ADCY1: variants seen among roughly 807,000 people sequenced by gnomAD.
The protein encoded by ADCY1 is adenylate cyclase 1.
A neutral mutation model predicts 105.4 loss-of-function variants in ADCY1; 28 were observed. That is an observed-to-expected ratio of 0.27 (90% confidence interval 0.20 to 0.36). The LOEUF (loss-of-function observed/expected upper bound fraction) is 0.36. ADCY1 is among the 10% of genes least tolerant of loss of function. The probability of loss-of-function intolerance (pLI) is 1.00; values close to 1 mark genes in which losing one functional copy is unlikely to be tolerated. For missense variants in ADCY1, 977 were observed against 1,434.2 expected (o/e 0.68, Z 5.15); for synonymous variants, 655 against 623.8 (o/e 1.05, Z -0.75).
chr7:45,679,209 C>T (rs189289846), intron 10 of ADCY1, among the ~76,000 whole-genome samples: 1 of 152,224 alleles, frequency 6.6e-6, no homozygotes, highest in Admixed American at 6.5e-5. Flanking sequence ...CCACCCCACA[C>T]CTGCGGAGGA....
chr7:45,584,157 C>T (rs931981171), intron 1 of ADCY1, among the ~76,000 whole-genome samples: 4 of 151,894 alleles, frequency 2.6e-5, no homozygotes, highest in African/African-American at 9.7e-5. Flanking sequence ...GTTTCCCAGG[C>T]TGGTCTTGAA....
At chr7:45,665,607 A>T (rs541406301) in intron 8 of ADCY1, among the ~76,000 whole-genome samples, 99 of 152,382 alleles carry the variant, frequency 6.5e-4, no homozygotes, top group African/African-American at 2.3e-3. Context: ...TACAAAAATT[A>T]AGTCTTCCAA....
At chr7:45,696,064 C>G (rs1784874711) in intron 14 of ADCY1, among the ~76,000 whole-genome samples, 1 of 152,236 alleles carries the variant, frequency 6.6e-6, no homozygotes, top group African/African-American at 2.4e-5. Flanking sequence ...AAACAGCAGA[C>G]CCACCGGACA....
chr7:45,665,959 T>TGTG (rs1342914316), intron 8 of ADCY1, among the ~76,000 whole-genome samples: 1 of 152,230 alleles, frequency 6.6e-6, no homozygotes, highest in East Asian at 1.9e-4. Flanking sequence ...GGTTAAATGG[T>TGTG]GTGTCTGTTT....
At chr7:45,577,635 G>A (rs1271050897) in intron 1 of ADCY1, among the ~76,000 whole-genome samples, 1 of 152,244 alleles carries the variant, frequency 6.6e-6, no homozygotes. Flanking sequence ...TGGGCAGGTA[G>A]TAGCCATGCT....
chr7:45,574,315 C>T (rs1792245152), upstream of ADCY1: 1 of 205,910 alleles, frequency 4.9e-6, no homozygotes, highest in Non-Finnish European at 8.4e-6. This position sits in a 1 kb window ranked among gnomAD's most constrained non-coding sequence, Gnocchi z 7.0. Flanking sequence ...CCGCCGAGGA[C>T]CACGGTCGGG....
In ADCY1 at chr7:45,714,443, G is replaced by A. The variant is rs911841184; in HGVS notation, c.*448G>A. The stretch of plus-strand genomic sequence containing the variant: ...CCTCTGAGACAGCCCTGTCCGCCCC[G>A]CCCAGGTGGGACCTGACATACAGGC... On this transcript the variant is annotated 3_prime_UTR_variant, in exon 20 of 20. Coordinates refer to ENST00000297323, the MANE Select transcript of ADCY1 (RefSeq NM_021116.4). 4.7e-5 allele frequency: 8 copies of A among 168,740 alleles called. No homozygotes were observed. The highest frequency in any genetic ancestry group is 1.7e-4 in the East Asian group (1 of 5,866). The allele number at this position is 168,740 out of a possible 1,614,324, so 10.5% of individuals were successfully genotyped here.
chr7:45,660,699 G>A lies in ADCY1; in HGVS notation c.1449+516G>A, dbSNP rs560333282. 8.1e-4 allele frequency among the ~76,000 whole-genome samples: 123 copies of A among 151,082 alleles called. 3 individuals carry two copies. The South Asian group carries it at 0.014, about 17-fold the overall frequency. On this transcript the variant is annotated intron_variant, in intron 7 of 19. Coordinates refer to ENST00000297323, the MANE Select transcript of ADCY1 (RefSeq NM_021116.4). ...GTGCAGGACTCAGGTGAGGGGTTCA[G>A]GCTCAAGTGAGGTGTTCAGGGGACA...
At chr7:45,640,292 CT>C in intron 4 of ADCY1, among the ~76,000 whole-genome samples, 1 of 152,186 alleles carries the variant, frequency 6.6e-6, no homozygotes, top group Non-Finnish European at 1.5e-5. Context: ...GCAGCTCCCG[CT>C]TAAGACAGAA....
chr7:45,654,306 C>G (rs1370959508), intron 5 of ADCY1, among the ~76,000 whole-genome samples: 1 of 152,228 alleles, frequency 6.6e-6, no homozygotes, highest in Non-Finnish European at 1.5e-5. Context: ...TCCACATGAC[C>G]ACCAAGTATG....
At chr7:45,655,256 C>T (rs533715209) in intron 5 of ADCY1, among the ~76,000 whole-genome samples, 1 of 152,360 alleles carries the variant, frequency 6.6e-6, no homozygotes, top group East Asian at 1.9e-4. Flanking sequence ...GTGGCCCCCT[C>T]TGCCAGAGGT....
Position 45,574,968 on chromosome 7 carries a change from T to A in ADCY1, c.425T>A (p.Leu142Gln). The A allele has an allele frequency of 1.9e-6, 3 of 1,611,108 alleles. No homozygotes were observed. Among genetic ancestry groups the A allele is most frequent in the Non-Finnish European group, 2.5e-6 (3 of 1,179,128 alleles). ...TFALLCCPFA[L>Q]GGPARGSAGA... is the part of the protein sequence containing the mutation. The stretch of plus-strand genomic sequence containing the variant: ...GCGCTGCTCTGCTGTCCTTTCGCGC[T>A]GGGCGGCCCCGCCCGGGGTTCCGCC... Residue 142 changes from leucine (L) to glutamine (Q), a missense_variant, in exon 1 of 20, where the codon CTG becomes CAG. This residue lies in a region of ADCY1 where 209 missense variants were observed against 222.5 expected (regional missense o/e 0.94). Coordinates refer to ENST00000297323, the MANE Select transcript of ADCY1 (RefSeq NM_021116.4). This position sits in a 1 kb window ranked among gnomAD's most constrained non-coding sequence, Gnocchi z 7.0.
At chr7:45,639,829 C>T (rs62459979) in intron 4 of ADCY1, among the ~76,000 whole-genome samples, 1,948 of 152,200 alleles carry the variant, frequency 0.013, 22 homozygotes, top group Non-Finnish European at 0.02. Context: ...CATTCCCATT[C>T]CTTGGACTGG....
Position 45,686,470 on chromosome 7 carries a change from A to AACT in ADCY1, c.2328-77_2328-76insACT, listed in dbSNP as rs1423855585. On this transcript the variant is annotated intron_variant, in intron 13 of 19. Transcript: ENST00000297323. This position sits in a 1 kb window ranked among gnomAD's most constrained non-coding sequence, Gnocchi z 4.3. Reference sequence around the variant, plus strand: ...TCACCACCTGAGGGTCACTCTGAACAGTTCTTGGGTTTGGTGGCAGAGTCT... The same window carrying AACT: ...TCACCACCTGAGGGTCACTCTGAACAACTGTTCTTGGGTTTGGTGGCAGAGTCT... 6.5e-7 allele frequency: 1 copy of AACT among 1,541,280 alleles called. No individual in the cohort carries two copies. Among genetic ancestry groups the AACT allele is most frequent in the Non-Finnish European group, 8.8e-7 (1 of 1,141,650 alleles).
At chr7:45,665,285 A>T (rs916955880) in intron 8 of ADCY1, among the ~76,000 whole-genome samples, 12 of 152,186 alleles carry the variant, frequency 7.9e-5, no homozygotes, top group African/African-American at 2.4e-4. Flanking sequence ...TACTTCTCTG[A>T]TGGTTTTGTG....
Position 45,703,808 on chromosome 7 carries a change from G to C in ADCY1, c.2718+62G>C. 2 of 1,511,660 alleles carry C rather than the reference G, an allele frequency of 1.3e-6. No individual in the cohort carries two copies. The highest frequency in any genetic ancestry group is 2.7e-5 in the South Asian group (2 of 75,186). The allele number at this position is 1,511,660 out of a possible 1,614,324, so 93.6% of individuals were successfully genotyped here. A position where few individuals can be genotyped will look rare whatever the true frequency, so the allele number is the denominator to read the frequency against. On this transcript the variant is annotated intron_variant, in intron 16 of 19. Coordinates refer to ENST00000297323, the MANE Select transcript of ADCY1 (RefSeq NM_021116.4). This position sits in a 1 kb window ranked among gnomAD's most constrained non-coding sequence, Gnocchi z 5.9. The stretch of plus-strand genomic sequence containing the variant: ...TGTGGTGGTGCATCCTGTTGCGTGG[G>C]CAGAGCGTGTCTCACAATATGTCAC...
chr7:45,578,666 G>A (rs1312260433), intron 1 of ADCY1, among the ~76,000 whole-genome samples: 2 of 152,200 alleles, frequency 1.3e-5, no homozygotes, highest in African/African-American at 2.4e-5. Context: ...TTGGGAAAGG[G>A]GGGCCTGGGC....
At chr7:45,624,427 G>A (rs1308768575) in intron 4 of ADCY1, among the ~76,000 whole-genome samples, 1 of 152,248 alleles carries the variant, frequency 6.6e-6, no homozygotes, top group Admixed American at 6.5e-5. Flanking sequence ...AAGGTCTTGA[G>A]ATCCAGTTGT....
chr7:45,692,913 G>C (rs1489789353), intron 14 of ADCY1, among the ~76,000 whole-genome samples: 4 of 151,900 alleles, frequency 2.6e-5, no homozygotes, highest in Admixed American at 1.3e-4. Context: ...ATTAAATGTT[G>C]GTCAAAGGAA....
Sources: gnomAD v4.1 joint callset for allele counts (sites outside exome capture counted in the v4.1 genomes callset) on GRCh38, gnomAD v4.1.1 for gene constraint, gnomAD v4.1.1 regional missense constraint, Gnocchi (gnomAD v3.1) non-coding constraint, MANE v1.5 for transcripts, NCBI Gene and HGNC (gene_info 2026-07-23, HGNC 2026-07-21) for gene names.